The following MAK variants were observed in gnomAD, a reference collection of about 807,000 sequenced individuals.
The protein encoded by MAK is male germ cell associated kinase.
MAK carries 65 observed loss-of-function variants against 82.6 expected under a neutral mutation model. The observed-to-expected ratio is 0.79, with a 90% CI of 0.64 to 0.97. The LOEUF (loss-of-function observed/expected upper bound fraction) is 0.97. MAK is among the 50% of genes least tolerant of loss of function. The probability of loss-of-function intolerance (pLI) is 0.00; values close to 1 mark genes in which losing one functional copy is unlikely to be tolerated. For missense variants in MAK, 703 were observed against 780.2 expected (o/e 0.90, Z 1.18); for synonymous variants, 250 against 274.2 (o/e 0.91, Z 0.87).
chr6:10,822,454 CA>C (rs781088003), intron 2 of MAK, among the ~76,000 whole-genome samples: 203 of 137,772 alleles, frequency 1.5e-3, no homozygotes, highest in Middle Eastern at 3.8e-3. Context: ...AACTCCGTCT[CA>C]AAAAAAAAAA....
At chr6:10,778,608 A>G (rs571425349) in intron 11 of MAK, among the ~76,000 whole-genome samples, 1 of 152,238 alleles carries the variant, frequency 6.6e-6, no homozygotes, top group Non-Finnish European at 1.5e-5. Context: ...GAGATGGGAA[A>G]GAACTCAGAG....
intron 2 of MAK, among the ~76,000 whole-genome samples, chr6:10,821,676 A>C (rs1163418751): frequency 6.6e-6 from 1 of 152,164 alleles, no homozygotes; most frequent in Non-Finnish European, 1.5e-5. Context: ...TCTACCTGTA[A>C]AATCTGCACT....
At position 10,830,642 on chromosome 6, in the gene MAK, G is replaced by A. The variant is rs558628181; in HGVS notation, c.7C>T (p.Arg3Ter). 1.1e-5 allele frequency: 17 copies of A among 1,612,258 alleles called. No individual in the cohort carries two copies. In the Admixed American group the frequency reaches 1.7e-4, roughly 16 times the overall value. The change falls in exon 2 of 15, where the codon CGA (arginine) becomes TGA (stop). Residue 3 changes from arginine to a stop codon, truncating the protein, a stop_gained. Coordinates refer to ENST00000354489, the MANE Select transcript of MAK (RefSeq NM_001242957.3). LOFTEE classifies it high-confidence loss of function. The part of the protein sequence containing the change: MN[R>*]YTTMRQLGDG... ...CCCAACTGTCTCATGGTTGTGTATC[G>A]GTTCATCTTGGAAAAATAATGCAGC...
At chr6:10,782,801 C>T (rs1774123604) in intron 11 of MAK, among the ~76,000 whole-genome samples, 1 of 152,138 alleles carries the variant, frequency 6.6e-6, no homozygotes, top group East Asian at 1.9e-4. Flanking sequence ...TGGTCTCAAA[C>T]TCCTGAACTC....
intron 7 of MAK, 102 bp downstream of exon 7, chr6:10,803,618 T>C: frequency 1.1e-6 from 1 of 928,742 alleles, no homozygotes; most frequent in Admixed American, 2.2e-5. Flanking sequence ...ATATCAGATA[T>C]CTAGGCAAAA....
intron 5 of MAK, among the ~76,000 whole-genome samples, chr6:10,812,765 T>A (rs1435020126): frequency 6.6e-6 from 1 of 152,002 alleles, no homozygotes. Context: ...ATAGAAATTC[T>A]ATTTTTTTAT....
chr6:10,766,230 T>C (rs1441255729), intron 14 of MAK, among the ~76,000 whole-genome samples: 3 of 152,254 alleles, frequency 2.0e-5, no homozygotes, highest in Non-Finnish European at 4.4e-5. Flanking sequence ...CTATCCCATA[T>C]TTACTGGCAT....
intron 9 of MAK, among the ~76,000 whole-genome samples, chr6:10,792,655 C>A (rs1193760566): frequency 6.6e-6 from 1 of 152,050 alleles, no homozygotes; most frequent in Admixed American, 6.6e-5. Flanking sequence ...ACAGAAAAAT[C>A]CAAAAGGCAA....
intron 6 of MAK, among the ~76,000 whole-genome samples, chr6:10,805,771 A>G (rs537901873): frequency 6.6e-6 from 1 of 152,326 alleles, no homozygotes; most frequent in South Asian, 2.1e-4. Flanking sequence ...CTTTATTGAT[A>G]TATAATTCAC....
chr6:10,817,669 T>C (rs1394454239), intron 4 of MAK, among the ~76,000 whole-genome samples, 181 bp downstream of exon 4: 1 of 152,244 alleles, frequency 6.6e-6, no homozygotes, highest in Non-Finnish European at 1.5e-5. Flanking sequence ...AGAAAAATGC[T>C]GGCTATGTCA....
chr6:10,819,786 A>G (rs984517867), intron 2 of MAK, among the ~76,000 whole-genome samples: 1 of 151,888 alleles, frequency 6.6e-6, no homozygotes, highest in African/African-American at 2.4e-5. Context: ...ATATGAACAG[A>G]TTTTTAGTCA....
intron 12 of MAK, among the ~76,000 whole-genome samples, chr6:10,774,971 C>T (rs984498683): frequency 1.2e-4 from 18 of 152,156 alleles, no homozygotes; most frequent in African/African-American, 4.1e-4. Context: ...AGTGGGAAAA[C>T]CTTTTTTTTA....
chr6:10,798,888 G>A (rs1561967216), intron 8 of MAK, among the ~76,000 whole-genome samples: 1 of 151,750 alleles, frequency 6.6e-6, no homozygotes, highest in African/African-American at 2.4e-5. Context: ...GGAGTGCAGT[G>A]GCACGATCTT....
intron 8 of MAK, 105 bp from the exon 9 acceptor site, chr6:10,796,414 T>A: frequency 3.4e-6 from 3 of 886,420 alleles, no homozygotes; most frequent in South Asian, 2.8e-5. Context: ...TTAGCCCACA[T>A]GAGCTTCAAA....
chr6:10,816,126 T>G (rs1016727137), intron 4 of MAK, among the ~76,000 whole-genome samples: 1 of 151,478 alleles, frequency 6.6e-6, no homozygotes, highest in African/African-American at 2.4e-5. Context: ...CTGTCTTACC[T>G]TCCCGAGTGG....
At chr6:10,833,343 C>T (rs1462012659) in intron 1 of MAK, among the ~76,000 whole-genome samples, 1 of 152,120 alleles carries the variant, frequency 6.6e-6, no homozygotes, top group Non-Finnish European at 1.5e-5. Context: ...CCTGGCTCAT[C>T]CCTGTAATCC....
chr6:10,798,988 C>T (rs953337751), intron 8 of MAK, among the ~76,000 whole-genome samples: 1 of 151,972 alleles, frequency 6.6e-6, no homozygotes, highest in African/African-American at 2.4e-5. Context: ...TGTCACCATG[C>T]CTAGCTAATT....
intron 14 of MAK, among the ~76,000 whole-genome samples, chr6:10,767,510 A>G (rs537238790): frequency 6.6e-6 from 1 of 152,242 alleles, no homozygotes; most frequent in Admixed American, 6.5e-5. Flanking sequence ...CCTTCTCAAA[A>G]CTTAAAGGGT....
intron 11 of MAK, chr6:10,779,508 A>G: frequency 2.0e-6 from 2 of 984,454 alleles, no homozygotes; most frequent in Non-Finnish European, 2.4e-6. Flanking sequence ...CTGCAATTAT[A>G]TGGTACATTT....
Sources: allele counts gnomAD v4.1 joint callset (sites outside exome capture counted in the v4.1 genomes callset), GRCh38; gene constraint gnomAD v4.1.1; transcripts MANE v1.5; gene names NCBI Gene and HGNC (gene_info 2026-07-23, HGNC 2026-07-21).